Variants in AGAP1 observed in about 807,000 individuals in gnomAD.
AGAP1 encodes the protein arf-GAP with GTPase, ANK repeat and PH domain-containing protein 1.
AGAP1 carries 29 observed loss-of-function variants against 105.3 expected under a neutral mutation model. That is an observed-to-expected ratio of 0.28 (90% CI 0.21 to 0.38). The LOEUF (loss-of-function observed/expected upper bound fraction) is 0.38. AGAP1 is among the 10% of genes least tolerant of loss of function. The pLI, the probability that AGAP1 is intolerant of heterozygous loss-of-function variation, is 1.00. For missense variants in AGAP1, 998 were observed against 1,165.1 expected, an observed-to-expected ratio of 0.86 and a Z score of 2.09; for synonymous variants, 509 against 485.9, an observed-to-expected ratio of 1.05 and a Z score of -0.63.
At chr2:235,531,342 G>A (rs926054479) in intron 1 of AGAP1, among the ~76,000 whole-genome samples, 27 of 152,198 alleles carry the variant, frequency 1.8e-4, no homozygotes, top group South Asian at 4.1e-4. Flanking sequence ...TTTCTAGCTG[G>A]GCAGACTCTG....
At chr2:236,022,468 T>C (rs2056916199) in intron 13 of AGAP1, among the ~76,000 whole-genome samples, 1 of 152,212 alleles carries the variant, frequency 6.6e-6, no homozygotes, top group Non-Finnish European at 1.5e-5. Flanking sequence ...TCAAGTATAC[T>C]AAGTATATCC....
At position 236,083,442 on chromosome 2, in the gene AGAP1, T is replaced by C. The variant is rs2058841093; in HGVS notation, c.2114+34161T>C. ...TTATAAGGAAGAGACATTTTTGGTA[T>C]AAGCCCATCAAAGTTGGTGCCTAAA... On this transcript the variant is annotated intron_variant, in intron 16 of 17. Coordinates refer to ENST00000304032, the MANE Select transcript of AGAP1 (RefSeq NM_001037131.3). This position sits in a 1 kb window ranked among gnomAD's most constrained non-coding sequence, Gnocchi z 5.3. 6.6e-6 allele frequency among the ~76,000 whole-genome samples: 1 copy of C among 152,230 alleles called. No homozygotes were observed. Among genetic ancestry groups the C allele is most frequent in the South Asian group, 2.1e-4 (1 of 4,826 alleles).
In AGAP1 at chr2:235,777,066, G is replaced by C; in HGVS notation, c.674-20693G>C. Reference sequence around the variant, plus strand: ...CCTGCAGAGAAACGAGGAAGTATTAGACAGAAGTGATGCTGGGCGCGGTGG... The same window carrying C: ...CCTGCAGAGAAACGAGGAAGTATTACACAGAAGTGATGCTGGGCGCGGTGG... On this transcript the variant is annotated intron_variant, in intron 6 of 17. Transcript: ENST00000304032. This position sits in a 1 kb window ranked among gnomAD's most constrained non-coding sequence, Gnocchi z 5.1. 2.1e-6 allele frequency: 1 copy of C among 471,156 alleles called. No individual in the cohort carries two copies. The highest frequency in any genetic ancestry group is 1.5e-5 in the South Asian group (1 of 64,566). 29.2% of individuals were successfully genotyped at this position (471,156 alleles called of 1,614,324 possible). A position where few individuals can be genotyped will look rare whatever the true frequency, so the allele number is the denominator to read the frequency against.
chr2:235,630,819 C>T (rs1046991423), intron 1 of AGAP1, among the ~76,000 whole-genome samples: 9 of 152,140 alleles, frequency 5.9e-5, no homozygotes, highest in Admixed American at 2.0e-4. Flanking sequence ...CGCTCAGCCC[C>T]GCTGCCTCCG....
intron 13 of AGAP1, among the ~76,000 whole-genome samples, chr2:236,023,290 G>A (rs890573436): frequency 6.6e-6 from 1 of 152,098 alleles, no homozygotes; most frequent in Non-Finnish European, 1.5e-5. Flanking sequence ...TTGTCATCCC[G>A]GGTCCAGCCT....
intron 9 of AGAP1, among the ~76,000 whole-genome samples, chr2:235,815,980 G>A (rs1331936988): frequency 1.3e-5 from 2 of 152,196 alleles, no homozygotes; most frequent in Admixed American, 6.5e-5. Context: ...GCGGGTAAAT[G>A]TTGGGCCTGT....
rs1362154786 is a variant in AGAP1 at position 235,992,682 on chromosome 2, TA to T, written c.1645+24061del. 2.0e-5 allele frequency among the ~76,000 whole-genome samples: 3 copies of T among 152,220 alleles called. No individual in the cohort carries two copies. Among genetic ancestry groups the T allele is most frequent in the African/African-American group, 7.2e-5 (3 of 41,458 alleles). ...ATTAAGTAGCATTGAACCACATTTT[TA>T]AGGTGACTCTTCAACTCACCAAGAA... is the stretch of plus-strand genomic sequence containing the variant. On this transcript the variant is annotated intron_variant, in intron 13 of 17. Coordinates refer to ENST00000304032, the MANE Select transcript of AGAP1 (RefSeq NM_001037131.3). The surrounding 1 kb of genome is among the most constrained non-coding windows in gnomAD (Gnocchi z 4.8).
At chr2:235,526,621 C>A (rs1942848962) in intron 1 of AGAP1, among the ~76,000 whole-genome samples, 1 of 151,914 alleles carries the variant, frequency 6.6e-6, no homozygotes, top group Non-Finnish European at 1.5e-5. Flanking sequence ...AGTAAAAAAA[C>A]CTTAAAAATT....
At chr2:236,052,766 C>T (rs1346444995) in intron 16 of AGAP1, among the ~76,000 whole-genome samples, 2 of 152,136 alleles carry the variant, frequency 1.3e-5, no homozygotes, top group Non-Finnish European at 2.9e-5. Flanking sequence ...AGAGGATGCC[C>T]TTTGTCCCCC....
At position 235,555,517 on chromosome 2, in the gene AGAP1, C is replaced by T. The variant is rs1943945938; in HGVS notation, c.163+60668C>T. 6.6e-6 allele frequency among the ~76,000 whole-genome samples: 1 copy of T among 152,178 alleles called. No individual in the cohort carries two copies. The highest frequency in any genetic ancestry group is 1.5e-5 in the Non-Finnish European group (1 of 68,040). On this transcript the variant is annotated intron_variant, in intron 1 of 17. Transcript: ENST00000304032. This position sits in a 1 kb window ranked among gnomAD's most constrained non-coding sequence, Gnocchi z 5.1. ...CGGCATGGGGGTCACTGGCTGCAAG[C>T]GAAGGCAGCTTATGTCATGTTCCCT...
intron 1 of AGAP1, among the ~76,000 whole-genome samples, chr2:235,516,248 G>T (rs527597183): frequency 6.6e-6 from 1 of 152,250 alleles, no homozygotes; most frequent in East Asian, 1.9e-4. Context: ...AATGCTTGCA[G>T]AATGAATGTC....
At chr2:235,810,051 C>G (rs926835787) in intron 9 of AGAP1, among the ~76,000 whole-genome samples, 7 of 152,186 alleles carry the variant, frequency 4.6e-5, no homozygotes, top group Admixed American at 6.5e-5. Flanking sequence ...TGTCTGCGCT[C>G]TCTCCACTGC....
At position 235,614,651 on chromosome 2, in the gene AGAP1, T is replaced by G. The variant is rs1946248424; in HGVS notation, c.164-94528T>G. ...TTGGCTCTCTACCCCCGTTGCAGAT[T>G]GGCTTGTGGTTTGGGGTGTGCCAGG... On this transcript the variant is annotated intron_variant, in intron 1 of 17. Transcript: ENST00000304032. This position sits in a 1 kb window ranked among gnomAD's most constrained non-coding sequence, Gnocchi z 4.7. 6.6e-6 allele frequency among the ~76,000 whole-genome samples: 1 copy of G among 152,204 alleles called. No individual in the cohort carries two copies. The highest frequency in any genetic ancestry group is 2.4e-5 in the African/African-American group (1 of 41,456).
rs371438858 is a variant in AGAP1 at position 236,014,094 on chromosome 2, C to T, written c.1646-22467C>T. ...TAAATTGGTTCTCTTCCGAACCCAGCGTCCCACTGTCGGTGACTTGGCGTT... is the reference window on the plus strand; with the variant it reads ...TAAATTGGTTCTCTTCCGAACCCAGTGTCCCACTGTCGGTGACTTGGCGTT... On this transcript the variant is annotated intron_variant, in intron 13 of 17. Transcript: ENST00000304032. The surrounding 1 kb of genome is among the most constrained non-coding windows in gnomAD (Gnocchi z 6.3). 2.0e-5 allele frequency among the ~76,000 whole-genome samples: 3 copies of T among 152,090 alleles called. No homozygotes were observed. The highest frequency in any genetic ancestry group is 2.9e-5 in the Non-Finnish European group (2 of 68,018).
intron 11 of AGAP1, among the ~76,000 whole-genome samples, chr2:235,912,020 A>G (rs6751319): frequency 0.78 from 118,483 of 152,198 alleles, 46,219 homozygotes; most frequent in East Asian, 0.98. Flanking sequence ...GGTGTGCGGC[A>G]GGAGGGCGCA....
At chr2:236,116,706 C>T (rs542664345) in intron 16 of AGAP1, among the ~76,000 whole-genome samples, 2 of 152,076 alleles carry the variant, frequency 1.3e-5, no homozygotes, top group African/African-American at 4.8e-5. Context: ...CACCCGAGCA[C>T]TATATACTGC....
At chr2:236,060,944 TC>T (rs1246945459) in intron 16 of AGAP1, among the ~76,000 whole-genome samples, 1 of 151,248 alleles carries the variant, frequency 6.6e-6, no homozygotes, top group Non-Finnish European at 1.5e-5. Context: ...ACACCTGTAG[TC>T]CCAGCTACCT....
At chr2:235,803,900 A>G (rs886762905) in intron 8 of AGAP1, among the ~76,000 whole-genome samples, 2 of 152,218 alleles carry the variant, frequency 1.3e-5, no homozygotes, top group African/African-American at 4.8e-5. Context: ...GACTGTATCC[A>G]TTTAATCCCT....
intron 9 of AGAP1, among the ~76,000 whole-genome samples, chr2:235,820,187 G>A (rs1306858951): frequency 2.0e-5 from 3 of 152,086 alleles, no homozygotes; most frequent in East Asian, 1.9e-4. Flanking sequence ...GCCACCATGC[G>A]TGGCTAAAAT....
Sources: allele counts gnomAD v4.1 joint callset (sites outside exome capture counted in the v4.1 genomes callset), GRCh38; gene constraint gnomAD v4.1.1; non-coding constraint Gnocchi (gnomAD v3.1); transcripts MANE v1.5; gene names NCBI Gene and HGNC (gene_info 2026-07-23, HGNC 2026-07-21).